NBAS: variants seen among roughly 807,000 people sequenced by gnomAD.
NBAS encodes NAG/BC035112 fusion.
A neutral mutation model predicts 302.5 loss-of-function variants in NBAS; 219 were observed. That is an observed-to-expected ratio of 0.72 (90% CI 0.65 to 0.81). The LOEUF is 0.81. NBAS is among the 30% of genes least tolerant of loss of function. NBAS has a pLI of 0.00. For synonymous variants in NBAS, 1,118 were observed against 1,021.6 expected (o/e 1.09, Z -1.80); for missense variants, 2,932 against 2,841.6 (o/e 1.03, Z -0.72).
chr2:15,460,899 C>T (rs1189763540), intron 21 of NBAS, among the ~76,000 whole-genome samples: 1 of 152,110 alleles, frequency 6.6e-6, no homozygotes, highest in Non-Finnish European at 1.5e-5. Flanking sequence ...ATACAACTAA[C>T]TCAGACATAC....
At chr2:15,110,922 C>T in the NBAS span, among the ~76,000 whole-genome samples, 1 of 152,030 alleles carries the variant, frequency 6.6e-6, no homozygotes, top group East Asian at 1.9e-4. Flanking sequence ...AAACATAATG[C>T]TTGGAGCCAG....
At chr2:15,188,327 A>AT (rs1217038299) in intron 49 of NBAS, among the ~76,000 whole-genome samples, 7 of 152,364 alleles carry the variant, frequency 4.6e-5, no homozygotes, top group Admixed American at 4.6e-4. Flanking sequence ...GATGGGCAAC[A>AT]TACCATCATT....
intron 50 of NBAS, among the ~76,000 whole-genome samples, chr2:15,183,518 G>A (rs955487518): frequency 5.9e-5 from 9 of 152,218 alleles, no homozygotes; most frequent in African/African-American, 2.2e-4. Flanking sequence ...TATGTGCTAT[G>A]GATGAAGCAG....
chr2:15,171,302 T>C (rs1664279699), intron 51 of NBAS, among the ~76,000 whole-genome samples: 1 of 152,198 alleles, frequency 6.6e-6, no homozygotes, highest in African/African-American at 2.4e-5. Flanking sequence ...TCATCCATGT[T>C]TGGGTCACCA....
the NBAS span, chr2:14,886,635 A>C: frequency 1.3e-5 from 2 of 152,246 alleles, no homozygotes; most frequent in African/African-American, 4.8e-5. Context: ...ACTTGAGGCA[A>C]TAGTTTCAGG....
chr2:15,286,634 T>C (rs1044965355), intron 42 of NBAS, among the ~76,000 whole-genome samples: 1 of 152,224 alleles, frequency 6.6e-6, no homozygotes, highest in Non-Finnish European at 1.5e-5. Flanking sequence ...CAACCCAATA[T>C]TTAAGTCCTG....
intron 44 of NBAS, 36 bp from the exon 45 acceptor site, chr2:15,238,722 C>A (rs777616903): frequency 1.9e-6 from 3 of 1,565,160 alleles, no homozygotes; most frequent in East Asian, 2.2e-5. Context: ...AAGAACCCTG[C>A]ATTATTACCT....
chr2:15,514,411 C>T (rs1431608602), intron 9 of NBAS, among the ~76,000 whole-genome samples: 9 of 152,100 alleles, frequency 5.9e-5, no homozygotes, highest in Non-Finnish European at 1.3e-4. Flanking sequence ...TTAATCACAA[C>T]GTTTTTTCAA....
At chr2:15,220,947 C>T (rs552559100) in intron 47 of NBAS, among the ~76,000 whole-genome samples, 16 of 152,146 alleles carry the variant, frequency 1.1e-4, no homozygotes, top group African/African-American at 3.9e-4. Flanking sequence ...TTGTCAAATG[C>T]TATCTTATGG....
intron 30 of NBAS, 79 bp from the exon 31 acceptor site, chr2:15,374,799 C>T: frequency 1.7e-6 from 2 of 1,195,748 alleles, no homozygotes; most frequent in Non-Finnish European, 1.2e-6. Flanking sequence ...AGATCTAACA[C>T]ATATTTATCA....
the NBAS span, among the ~76,000 whole-genome samples, chr2:14,795,042 A>T: frequency 6.6e-6 from 1 of 152,152 alleles, no homozygotes; most frequent in East Asian, 1.9e-4. Flanking sequence ...TGGTTATTTC[A>T]TATAAAGTTG....
At chr2:14,903,393 A>G in the NBAS span, among the ~76,000 whole-genome samples, 1 of 152,204 alleles carries the variant, frequency 6.6e-6, no homozygotes, top group East Asian at 1.9e-4. Flanking sequence ...CCAAATGAAA[A>G]ATACATATAA....
the NBAS span, among the ~76,000 whole-genome samples, chr2:14,825,296 T>C: frequency 6.6e-6 from 1 of 152,144 alleles, no homozygotes; most frequent in African/African-American, 2.4e-5. Context: ...TAGAATAGAA[T>C]TTTGCAGGTT....
intron 25 of NBAS, among the ~76,000 whole-genome samples, chr2:15,410,103 T>A (rs1172462986): frequency 2.0e-5 from 3 of 152,228 alleles, no homozygotes; most frequent in Non-Finnish European, 2.9e-5. Flanking sequence ...GCTACCTTCA[T>A]GTGCCAATGA....
At chr2:14,987,796 C>T in the NBAS span, among the ~76,000 whole-genome samples, 1 of 152,102 alleles carries the variant, frequency 6.6e-6, no homozygotes, top group Non-Finnish European at 1.5e-5. Flanking sequence ...ATTCAATTCA[C>T]CCAAATACCC....
chr2:15,317,945 G>C (rs1463881501), intron 38 of NBAS, among the ~76,000 whole-genome samples: 1 of 152,134 alleles, frequency 6.6e-6, no homozygotes, highest in Non-Finnish European at 1.5e-5. Context: ...ACACATAATT[G>C]TCAGATTCAC....
At chr2:15,248,626 AG>A (rs1037279186) in intron 44 of NBAS, among the ~76,000 whole-genome samples, 21 of 152,196 alleles carry the variant, frequency 1.4e-4, no homozygotes, top group African/African-American at 4.8e-4. Context: ...AAAGTGATAA[AG>A]GGGATATCAC....
chr2:14,863,083 T>C, the NBAS span, among the ~76,000 whole-genome samples: 2 of 152,262 alleles, frequency 1.3e-5, no homozygotes, highest in African/African-American at 2.4e-5. Flanking sequence ...TTGTCCTCTC[T>C]GTAGACACAA....
intron 50 of NBAS, among the ~76,000 whole-genome samples, chr2:15,185,440 T>G (rs986187992): frequency 6.6e-6 from 1 of 152,194 alleles, no homozygotes; most frequent in Non-Finnish European, 1.5e-5. Context: ...TAGCTTATAT[T>G]CAAGCAAAGG....
Sources: allele counts gnomAD v4.1 joint callset (sites outside exome capture counted in the v4.1 genomes callset), GRCh38; gene constraint gnomAD v4.1.1; transcripts MANE v1.5; gene names NCBI Gene and HGNC (gene_info 2026-07-23, HGNC 2026-07-21).